Variants in CSMD3 observed in about 807,000 individuals in gnomAD.
CSMD3 encodes CUB and sushi domain-containing protein 3.
In CSMD3, 177 loss-of-function variants were observed where a neutral mutation model predicts 435.2. The observed-to-expected ratio is 0.41, with a 90% CI of 0.36 to 0.46. The LOEUF is 0.46. CSMD3 is among the 20% of genes least tolerant of loss of function. The pLI is 0.34. For synonymous variants in CSMD3, 1,656 were observed against 1,520.5 expected (o/e 1.09, Z -2.07); for missense variants, 4,265 against 4,504.6 (o/e 0.95, Z 1.52).
intron 42 of CSMD3, among the ~76,000 whole-genome samples, chr8:112,338,765 C>CA (rs1416561618): frequency 1.3e-4 from 19 of 151,958 alleles, no homozygotes; most frequent in Admixed American, 5.9e-4. Flanking sequence ...ATATTCTACA[C>CA]AAAAAATATT....
At chr8:113,076,272 G>C (rs1262542519) in intron 5 of CSMD3, among the ~76,000 whole-genome samples, 3 of 151,542 alleles carry the variant, frequency 2.0e-5, no homozygotes, top group Non-Finnish European at 4.4e-5. Flanking sequence ...TTTTGAAGTT[G>C]ATAGCTTGTC....
intron 10 of CSMD3, among the ~76,000 whole-genome samples, chr8:112,864,410 G>A (rs1040897449): frequency 2.6e-5 from 4 of 151,642 alleles, no homozygotes; most frequent in East Asian, 3.9e-4. Flanking sequence ...CACCATGCCC[G>A]GTTCATTTTT....
rs1291037398 is a variant in CSMD3 at position 113,376,881 on chromosome 8, G to A, written c.178+59796C>T. The A allele has an allele frequency of 3.7e-6, 6 of 1,607,962 alleles. No individual in the cohort carries two copies. In the African/African-American group the frequency reaches 6.7e-5, roughly 18 times the overall value. On this transcript the variant is annotated intron_variant, in intron 1 of 70. Coordinates refer to ENST00000297405, the MANE Select transcript of CSMD3 (RefSeq NM_198123.2). ...TTTCCCGGATGATCTGGAAGATGAA[G>A]CTTCCTGGCCGGGAAAACAAAACAG... is the stretch of plus-strand genomic sequence containing the variant.
chr8:112,292,479 G>T (rs1245649395), intron 55 of CSMD3, 58 bp downstream of exon 55: 1 of 1,548,332 alleles, frequency 6.5e-7, no homozygotes, highest in South Asian at 1.1e-5. Flanking sequence ...GTGTGTCACT[G>T]ATGTTTATGT....
chr8:113,386,146 A>G (rs1031048863), intron 1 of CSMD3, among the ~76,000 whole-genome samples: 1 of 152,018 alleles, frequency 6.6e-6, no homozygotes, highest in Admixed American at 6.6e-5. Flanking sequence ...GCCCAAATAT[A>G]TGGAAATGCA....
chr8:112,523,822 T>A (rs1032013749), intron 27 of CSMD3, among the ~76,000 whole-genome samples: 2 of 152,078 alleles, frequency 1.3e-5, no homozygotes, highest in Admixed American at 6.5e-5. Flanking sequence ...AATGTGGCTA[T>A]CTTTAGAATT....
intron 5 of CSMD3, among the ~76,000 whole-genome samples, chr8:113,088,767 T>G (rs570755393): frequency 6.7e-6 from 1 of 149,004 alleles, no homozygotes; most frequent in African/African-American, 2.5e-5. Context: ...GCTAAATGAC[T>G]AGTTAATGGG....
intron 10 of CSMD3, among the ~76,000 whole-genome samples, chr8:112,872,272 A>G (rs1465136339): frequency 2.0e-5 from 3 of 152,056 alleles, no homozygotes; most frequent in Non-Finnish European, 4.4e-5. Flanking sequence ...GTGCAGTTAC[A>G]ATTAGGACTA....
chr8:113,411,542 C>A (rs1379978001), intron 1 of CSMD3, among the ~76,000 whole-genome samples: 4 of 152,136 alleles, frequency 2.6e-5, no homozygotes, highest in South Asian at 4.1e-4. Context: ...TTCAAAGCTG[C>A]AAACTTCAAT....
chr8:112,464,557 G>A (rs1489751166), intron 32 of CSMD3, among the ~76,000 whole-genome samples: 1 of 151,992 alleles, frequency 6.6e-6, no homozygotes, highest in Non-Finnish European at 1.5e-5. Context: ...AACCCTTAAA[G>A]CAGAAATGAA....
At chr8:112,274,076 G>T (rs761918591) in intron 59 of CSMD3, among the ~76,000 whole-genome samples, 1 of 151,972 alleles carries the variant, frequency 6.6e-6, no homozygotes, top group South Asian at 2.1e-4. Flanking sequence ...TAAAGGCTAC[G>T]GTGGGATAGT....
intron 54 of CSMD3, among the ~76,000 whole-genome samples, chr8:112,294,088 T>TGG (rs569516326): frequency 1.6e-4 from 24 of 151,484 alleles, no homozygotes; most frequent in African/African-American, 5.6e-4. Context: ...TCAATTTGCT[T>TGG]GGGGGGGGTG....
rs545271434 is a variant in CSMD3 at position 113,112,856 on chromosome 8, A to G, written c.710-13893T>C. On this transcript the variant is annotated intron_variant, in intron 4 of 70. Transcript: ENST00000297405. The stretch of plus-strand genomic sequence containing the variant: ...AAAACAGTCCTCTGACCACCTCAAT[A>G]AATGGCTTAGTTTTATATTTTGTTT... 2.0e-5 allele frequency among the ~76,000 whole-genome samples: 3 copies of G among 152,250 alleles called. No homozygotes were observed. The East Asian group carries it at 5.8e-4, about 29-fold the overall frequency.
chr8:112,363,164 C>A (rs1357519348), intron 38 of CSMD3, among the ~76,000 whole-genome samples: 1 of 151,904 alleles, frequency 6.6e-6, no homozygotes, highest in Admixed American at 6.6e-5. Context: ...TCAGTTTCCT[C>A]ACCTATAAAA....
At chr8:113,094,365 T>C (rs2090098377) in intron 5 of CSMD3, among the ~76,000 whole-genome samples, 1 of 152,146 alleles carries the variant, frequency 6.6e-6, no homozygotes. Flanking sequence ...TTACTGTAAC[T>C]TTTTCCTCCT....
At chr8:112,515,953 GAC>G (rs1823630223) in intron 28 of CSMD3, among the ~76,000 whole-genome samples, 2 of 151,970 alleles carry the variant, frequency 1.3e-5, no homozygotes, top group Admixed American at 1.3e-4. Context: ...CAGTGCCTGA[GAC>G]ACAGTTAATG....
At chr8:112,899,599 T>TTA (rs71309794) in intron 10 of CSMD3, among the ~76,000 whole-genome samples, 4,534 of 99,722 alleles carry the variant, frequency 0.045, 122 homozygotes, top group Non-Finnish European at 0.066. Context: ...CTTGTCTATT[T>TTA]TATATATATA....
At chr8:112,987,061 T>C (rs2085281686) in intron 6 of CSMD3, among the ~76,000 whole-genome samples, 1 of 152,076 alleles carries the variant, frequency 6.6e-6, no homozygotes, top group African/African-American at 2.4e-5. Flanking sequence ...CTCTGAACTC[T>C]GAAAAGGCAT....
At chr8:112,932,254 A>G (rs76186767) in intron 9 of CSMD3, among the ~76,000 whole-genome samples, 2,708 of 152,320 alleles carry the variant, frequency 0.018, 78 homozygotes, top group African/African-American at 0.062. Flanking sequence ...ATACTATTCA[A>G]TCACAAAATG....
Sources: gnomAD v4.1 joint callset for allele counts (sites outside exome capture counted in the v4.1 genomes callset) on GRCh38, gnomAD v4.1.1 for gene constraint, MANE v1.5 for transcripts, NCBI Gene and HGNC (gene_info 2026-07-23, HGNC 2026-07-21) for gene names.